The following TCF12 variants were observed in gnomAD, a reference collection of about 807,000 sequenced individuals.
TCF12 encodes DNA-binding protein HTF4.
Under a neutral mutation model 86.0 loss-of-function variants are expected in TCF12, and 45 were observed. The ratio of observed to expected loss-of-function variants is 0.52; its 90% CI spans 0.41 to 0.67. The LOEUF (loss-of-function observed/expected upper bound fraction) is 0.67, where lower values mean the gene tolerates loss of function less well. Among genes scored for constraint, TCF12 ranks in the 30% least tolerant of loss-of-function variants. TCF12 has a pLI of 0.00. For missense variants in TCF12, 881 were observed against 859.9 expected, an observed-to-expected ratio of 1.02 and a Z score of -0.31; for synonymous variants, 330 against 299.6, an observed-to-expected ratio of 1.10 and a Z score of -1.05.
chr15:57,136,354 CT>C (rs776251664), intron 5 of TCF12, among the ~76,000 whole-genome samples: 2 of 152,050 alleles, frequency 1.3e-5, no homozygotes, highest in Admixed American at 6.5e-5. Flanking sequence ...GCCATGTTTT[CT>C]TTTTTTTCTT....
chr15:57,028,250 C>T (rs1446389658), intron 3 of TCF12, among the ~76,000 whole-genome samples: 3 of 152,026 alleles, frequency 2.0e-5, no homozygotes, highest in Non-Finnish European at 2.9e-5. Flanking sequence ...TGTGAGCCAC[C>T]GCGCCCGACT....
At chr15:56,998,158 T>G (rs933888784) in intron 3 of TCF12, among the ~76,000 whole-genome samples, 4 of 152,120 alleles carry the variant, frequency 2.6e-5, no homozygotes, top group African/African-American at 9.7e-5. Context: ...ACTAATGGTA[T>G]AGAATGCTTG....
chr15:57,202,537 G>A (rs1360871330), intron 8 of TCF12, among the ~76,000 whole-genome samples: 1 of 149,154 alleles, frequency 6.7e-6, no homozygotes, highest in African/African-American at 2.5e-5. Flanking sequence ...CCAGATTCAT[G>A]CCATTCTCCT....
intron 5 of TCF12, among the ~76,000 whole-genome samples, chr15:57,149,205 T>C (rs2053575713): frequency 6.6e-6 from 1 of 152,152 alleles, no homozygotes; most frequent in Admixed American, 6.5e-5. Flanking sequence ...TAATAGCAAT[T>C]TTCACCAGTG....
intron 16 of TCF12, among the ~76,000 whole-genome samples, chr15:57,256,081 A>G (rs2060333186): frequency 6.6e-6 from 1 of 152,228 alleles, no homozygotes; most frequent in African/African-American, 2.4e-5. Flanking sequence ...GCCTCAAAAT[A>G]TAAAGTTACT....
chr15:57,262,768 A>G (rs1203349094), intron 17 of TCF12, among the ~76,000 whole-genome samples: 2 of 152,226 alleles, frequency 1.3e-5, no homozygotes, highest in African/African-American at 4.8e-5. Flanking sequence ...ATCCAGGAAG[A>G]TGTTAAGCTT....
chr15:57,276,808 C>CTT (rs35792121), intron 19 of TCF12, among the ~76,000 whole-genome samples: 7 of 107,558 alleles, frequency 6.5e-5, no homozygotes, highest in Admixed American at 1.0e-4. Flanking sequence ...TTTTTTTTTC[C>CTT]TTTTTTTTTT....
chr15:57,190,291 TGA>T (rs777404640), intron 6 of TCF12, among the ~76,000 whole-genome samples: 12 of 152,196 alleles, frequency 7.9e-5, no homozygotes, highest in Admixed American at 2.0e-4. Context: ...GTCATTTAAA[TGA>T]GAGTTTTTCT....
chr15:56,961,150 T>A (rs1229482066), intron 3 of TCF12, among the ~76,000 whole-genome samples: 3 of 151,058 alleles, frequency 2.0e-5, no homozygotes, highest in Non-Finnish European at 3.0e-5. Context: ...AAAAAATCAG[T>A]TCATTAAATA....
chr15:57,211,981 A>C (rs78631705), intron 8 of TCF12, among the ~76,000 whole-genome samples: 2 of 836 alleles, frequency 2.4e-3, no homozygotes, highest in African/African-American at 7.4e-3. Context: ...CACACACACC[A>C]CACACACACA....
chr15:57,173,082 C>CT (rs1176381734), intron 6 of TCF12, among the ~76,000 whole-genome samples: 3 of 152,162 alleles, frequency 2.0e-5, no homozygotes, highest in Non-Finnish European at 4.4e-5. Flanking sequence ...GAGCAAGACT[C>CT]TGTCTCAAAA....
intron 4 of TCF12, among the ~76,000 whole-genome samples, chr15:57,077,145 T>C (rs181365146): frequency 4.1e-4 from 62 of 152,268 alleles, no homozygotes. Flanking sequence ...TCTTTGCATA[T>C]ATATATTGAA....
At chr15:57,018,531 C>T (rs770261957) in intron 3 of TCF12, among the ~76,000 whole-genome samples, 3 of 151,804 alleles carry the variant, frequency 2.0e-5, no homozygotes, top group Non-Finnish European at 4.4e-5. Flanking sequence ...GGCAAGATCT[C>T]GGCTCACCGC....
At chr15:57,033,909 G>A (rs1193708213) in intron 3 of TCF12, among the ~76,000 whole-genome samples, 1 of 152,114 alleles carries the variant, frequency 6.6e-6, no homozygotes, top group African/African-American at 2.4e-5. Flanking sequence ...ACATGTAAGG[G>A]TCCATGTAAA....
At chr15:56,983,865 G>C (rs1472869647) in intron 3 of TCF12, among the ~76,000 whole-genome samples, 1 of 151,490 alleles carries the variant, frequency 6.6e-6, no homozygotes, top group East Asian at 1.9e-4. Flanking sequence ...AGCCGGGTAG[G>C]GTGGCACATG....
intron 5 of TCF12, among the ~76,000 whole-genome samples, chr15:57,104,021 C>T (rs991059714): frequency 2.6e-5 from 4 of 151,738 alleles, no homozygotes; most frequent in Admixed American, 2.0e-4. Context: ...AACAAACAAA[C>T]AAAAAAACAC....
intron 3 of TCF12, among the ~76,000 whole-genome samples, chr15:57,061,569 C>T (rs1042105549): frequency 1.3e-5 from 2 of 152,162 alleles, no homozygotes; most frequent in Non-Finnish European, 2.9e-5. Context: ...TGCCACTGTA[C>T]TGCAGCCTGG....
intron 3 of TCF12, among the ~76,000 whole-genome samples, chr15:57,051,144 G>C (rs752954628): frequency 6.6e-6 from 1 of 152,058 alleles, no homozygotes; most frequent in Non-Finnish European, 1.5e-5. Flanking sequence ...TTAAATTATT[G>C]GTTGATTATC....
At chr15:57,168,120 T>C (rs1346481187) in intron 6 of TCF12, among the ~76,000 whole-genome samples, 1 of 152,130 alleles carries the variant, frequency 6.6e-6, no homozygotes, top group Non-Finnish European at 1.5e-5. Flanking sequence ...AAGTCCAGCC[T>C]GGGCAATGTA....
Sources: allele counts gnomAD v4.1 joint callset (sites outside exome capture counted in the v4.1 genomes callset), GRCh38; gene constraint gnomAD v4.1.1; transcripts MANE v1.5; gene names NCBI Gene and HGNC (gene_info 2026-07-23, HGNC 2026-07-21).